Variants in GALNTL5 observed in about 807,000 individuals in gnomAD.
The protein encoded by GALNTL5 is inactive polypeptide N-acetylgalactosaminyltransferase-like protein 5.
A neutral mutation model predicts 51.0 loss-of-function variants in GALNTL5; 44 were observed. That is an observed-to-expected ratio of 0.86 (90% CI 0.68 to 1.11). The LOEUF is 1.11. Among genes scored for constraint, GALNTL5 ranks in the 50% least tolerant of loss-of-function variants. The pLI is 0.00. For synonymous variants in GALNTL5, 192 were observed against 182.8 expected (o/e 1.05, Z -0.41); for missense variants, 528 against 531.8 (o/e 0.99, Z 0.07).
Position 152,009,724 on chromosome 7 carries a change from G to A in GALNTL5, c.1026+1780G>A, listed in dbSNP as rs1023819436. Among the ~76,000 whole-genome samples the A allele has an allele frequency of 3.9e-5, 6 of 152,112 alleles. No homozygotes were observed. The South Asian group carries it at 1.2e-3, about 32-fold the overall frequency. ...ACCTGCAGCCCAACCATAGGTCTACGCTCCCTGGACCTTCCCATGTTCCAG... is the reference window on the plus strand; with the variant it reads ...ACCTGCAGCCCAACCATAGGTCTACACTCCCTGGACCTTCCCATGTTCCAG... On this transcript the variant is annotated intron_variant, in intron 7 of 8. Coordinates refer to ENST00000392800, the MANE Select transcript of GALNTL5 (RefSeq NM_145292.4).
chr7:151,968,784 C>G (rs1424352955), intron 2 of GALNTL5, among the ~76,000 whole-genome samples: 1 of 152,208 alleles, frequency 6.6e-6, no homozygotes, highest in Non-Finnish European at 1.5e-5. Flanking sequence ...TTTGCCAACA[C>G]TTGACATGGT....
At chr7:151,999,335 CAT>C (rs1177970672) in intron 5 of GALNTL5, among the ~76,000 whole-genome samples, 1 of 152,130 alleles carries the variant, frequency 6.6e-6, no homozygotes, top group Non-Finnish European at 1.5e-5. Flanking sequence ...TGACCATGCA[CAT>C]ATATACATTT....
intron 3 of GALNTL5, 109 bp downstream of exon 3, chr7:151,971,174 C>A: frequency 1.1e-6 from 1 of 889,972 alleles, no homozygotes; most frequent in South Asian, 1.6e-5. Context: ...TTAATTTGAT[C>A]ATACTAGAAA....
intron 1 of GALNTL5, among the ~76,000 whole-genome samples, chr7:151,959,409 G>A (rs2080965406): frequency 1.3e-5 from 2 of 152,042 alleles, no homozygotes; most frequent in Non-Finnish European, 2.9e-5. Flanking sequence ...CTAGTTAGAA[G>A]TTGCCTTCTT....
At chr7:151,994,680 C>T (rs1432275809) in intron 5 of GALNTL5, among the ~76,000 whole-genome samples, 5 of 152,142 alleles carry the variant, frequency 3.3e-5, no homozygotes, top group African/African-American at 1.2e-4. Context: ...TGATCAAATG[C>T]CACTTTATCA....
At chr7:151,974,325 G>T (rs1319692635) in intron 3 of GALNTL5, among the ~76,000 whole-genome samples, 1 of 152,176 alleles carries the variant, frequency 6.6e-6, no homozygotes. Context: ...TGCTTAGCAT[G>T]ATGCCCTCAA....
At chr7:151,969,054 T>C (rs945057509) in intron 2 of GALNTL5, among the ~76,000 whole-genome samples, 2 of 152,214 alleles carry the variant, frequency 1.3e-5, no homozygotes, top group African/African-American at 4.8e-5. Flanking sequence ...TTTGGACAAA[T>C]ATGTAGTTTG....
intron 7 of GALNTL5, among the ~76,000 whole-genome samples, chr7:152,009,812 C>T (rs931490844): frequency 5.3e-5 from 8 of 152,306 alleles, no homozygotes; most frequent in Middle Eastern, 3.4e-3. Context: ...CTGTGCCACA[C>T]CCTTGTTGAT....
chr7:151,981,016 A>G (rs563787849), intron 3 of GALNTL5, among the ~76,000 whole-genome samples: 14 of 152,110 alleles, frequency 9.2e-5, no homozygotes, highest in African/African-American at 2.9e-4. Flanking sequence ...AAGTGCTGGG[A>G]TTACAGGCTT....
At position 151,987,178 on chromosome 7, in the gene GALNTL5, A is replaced by G. The variant is rs763566114; in HGVS notation, c.555A>G (p.Leu185=). 1.3e-5 allele frequency: 21 copies of G among 1,589,758 alleles called. No homozygotes were observed. In the East Asian group the frequency reaches 4.7e-4, roughly 36 times the overall value. ...TTCCAGATGATTTGAAAGAAAAACT[A>G]GACTATCACCTGGAAACTTTTCGGG... ...MSKVDDLKEK[L]DYHLETFRGK... The change falls in exon 5 of 9, where the codon CTA becomes CTG. Residue 185 remains leucine, a synonymous_variant. Transcript: ENST00000392800.
chr7:151,983,669 A>T (rs970195268), intron 4 of GALNTL5, among the ~76,000 whole-genome samples: 12 of 152,150 alleles, frequency 7.9e-5, no homozygotes, highest in Non-Finnish European at 1.6e-4. Context: ...TAAGGCAAAC[A>T]TAGGGGCACC....
chr7:151,987,232 G>C lies in GALNTL5; in HGVS notation c.609G>C (p.Lys203Asn). ...RGKVKIIRNK[K>N]REGLIRARLI... Reference sequence around the variant, plus strand: ...AGGTTAAAATAATAAGAAACAAAAAGAGAGAGGGGCTGATTCGAGCAAGGC... The same window carrying C: ...AGGTTAAAATAATAAGAAACAAAAACAGAGAGGGGCTGATTCGAGCAAGGC... The change falls in exon 5 of 9, where the codon AAG becomes AAC. Residue 203 changes from lysine to asparagine, a missense_variant. Transcript: ENST00000392800. 1 of 1,601,326 alleles carries C rather than the reference G, an allele frequency of 6.2e-7. No homozygotes were observed. Among genetic ancestry groups the C allele is most frequent in the Non-Finnish European group, 8.5e-7 (1 of 1,175,966 alleles).
At chr7:151,965,093 C>T (rs2081041928) in intron 1 of GALNTL5, among the ~76,000 whole-genome samples, 1 of 152,162 alleles carries the variant, frequency 6.6e-6, no homozygotes, top group African/African-American at 2.4e-5. Context: ...CTGTGCAGGG[C>T]TGGGCAAAGA....
At chr7:151,977,503 CA>C in intron 3 of GALNTL5, among the ~76,000 whole-genome samples, 1 of 151,960 alleles carries the variant, frequency 6.6e-6, no homozygotes, top group African/African-American at 2.4e-5. Context: ...ATTTTCTCTT[CA>C]AAAAAAGTCT....
intron 2 of GALNTL5, among the ~76,000 whole-genome samples, chr7:151,970,001 G>A (rs1172268126): frequency 6.6e-6 from 1 of 151,522 alleles, no homozygotes; most frequent in African/African-American, 2.4e-5. Context: ...TAGGAGAGAC[G>A]GGGTTTCACC....
intron 3 of GALNTL5, among the ~76,000 whole-genome samples, chr7:151,973,389 C>G (rs1284717274): frequency 2.6e-5 from 4 of 151,960 alleles, no homozygotes; most frequent in Admixed American, 2.0e-4. Flanking sequence ...TGTTTCAACC[C>G]AGCCAGCAGA....
intron 2 of GALNTL5, among the ~76,000 whole-genome samples, chr7:151,968,161 T>C (rs1343401047): frequency 2.0e-5 from 3 of 151,838 alleles, no homozygotes; most frequent in African/African-American, 7.3e-5. Flanking sequence ...TAGCCAGGTG[T>C]AGTGGTGCAT....
At chr7:151,980,649 G>T (rs1013734639) in intron 3 of GALNTL5, among the ~76,000 whole-genome samples, 1 of 151,744 alleles carries the variant, frequency 6.6e-6, no homozygotes, top group Non-Finnish European at 1.5e-5. Context: ...ACCCTGAGGG[G>T]ACTGTCCAGG....
At chr7:152,009,208 A>C (rs1020878076) in intron 7 of GALNTL5, among the ~76,000 whole-genome samples, 1 of 152,184 alleles carries the variant, frequency 6.6e-6, no homozygotes, top group African/African-American at 2.4e-5. Flanking sequence ...TCCTGAGAAA[A>C]GAATGATCTC....
Sources: allele counts gnomAD v4.1 joint callset (sites outside exome capture counted in the v4.1 genomes callset), GRCh38; gene constraint gnomAD v4.1.1; transcripts MANE v1.5; gene names NCBI Gene and HGNC (gene_info 2026-07-23, HGNC 2026-07-21).